Variants in TRPM3 observed in about 807,000 individuals in gnomAD.
TRPM3 encodes transient receptor potential cation channel subfamily M member 3.
In TRPM3, 77 loss-of-function variants were observed where a neutral mutation model predicts 181.2. The observed-to-expected ratio is 0.42, with a 90% CI of 0.35 to 0.51. The LOEUF (loss-of-function observed/expected upper bound fraction) is 0.51. TRPM3 is among the 20% of genes least tolerant of loss of function. The pLI, the probability that TRPM3 is intolerant of heterozygous loss-of-function variation, is 0.01. For missense variants in TRPM3, 1,759 were observed against 2,196.7 expected (o/e 0.80, Z 3.98); for synonymous variants, 745 against 796.4 (o/e 0.94, Z 1.09).
chr9:71,223,142 A>G (rs758768777), intron 1 of TRPM3, among the ~76,000 whole-genome samples: 3 of 152,170 alleles, frequency 2.0e-5, no homozygotes, highest in Admixed American at 6.5e-5. Flanking sequence ...AGCATAGCTC[A>G]TAGCTCCAAA....
chr9:71,286,219 A>G (rs2085268674), intron 1 of TRPM3, among the ~76,000 whole-genome samples: 1 of 152,222 alleles, frequency 6.6e-6, no homozygotes, highest in African/African-American at 2.4e-5. Context: ...GTAGTTTCCC[A>G]ATCAACTTGT....
chr9:71,027,283 G>T (rs559644565), intron 1 of TRPM3, among the ~76,000 whole-genome samples: 1 of 152,064 alleles, frequency 6.6e-6, no homozygotes, highest in African/African-American at 2.4e-5. Context: ...AACCCCCAAG[G>T]TCATGGACTA....
intron 1 of TRPM3, among the ~76,000 whole-genome samples, chr9:71,012,486 T>C (rs1225452779): frequency 3.3e-5 from 5 of 151,944 alleles, no homozygotes; most frequent in African/African-American, 1.2e-4. Flanking sequence ...TATTATCAGA[T>C]GTTTATTTTT....
chr9:71,396,949 G>A (rs1359759361), intron 1 of TRPM3, among the ~76,000 whole-genome samples: 1 of 147,828 alleles, frequency 6.8e-6, no homozygotes, highest in Non-Finnish European at 1.5e-5. Flanking sequence ...CTGGGCAACG[G>A]AGCAAGACTT....
chr9:71,095,064 G>A (rs1483840585), intron 1 of TRPM3, among the ~76,000 whole-genome samples: 6 of 152,118 alleles, frequency 3.9e-5, no homozygotes, highest in Admixed American at 2.0e-4. Context: ...CCCCACAGAT[G>A]ACTATCTACA....
chr9:70,842,881 AT>A, intron 5 of TRPM3, 121 bp downstream of exon 5: 1 of 933,890 alleles, frequency 1.1e-6, no homozygotes, highest in South Asian at 2.5e-5. Context: ...AACATGTTTC[AT>A]TTTAGTGAGT....
chr9:70,540,963 C>T (rs1228920412), intron 25 of TRPM3, among the ~76,000 whole-genome samples: 2 of 152,062 alleles, frequency 1.3e-5, no homozygotes, highest in South Asian at 2.1e-4. Flanking sequence ...CTCAAGTGAT[C>T]GATCACCCGC....
Position 70,538,972 on chromosome 9 carries a change from T to C in TRPM3, c.3708-1567A>G, listed in dbSNP as rs181123285. Among the ~76,000 whole-genome samples the C allele has an allele frequency of 1.1e-4, 16 of 152,368 alleles. No homozygotes were observed. In the East Asian group the frequency reaches 2.7e-3, roughly 26 times the overall value. ...ACAATTTGAGCTCAAACTTTCACTT[T>C]TAAATGTCCAAAGACAAACCTTTTG... On this transcript the variant is annotated intron_variant, in intron 25 of 25. Coordinates refer to ENST00000677713, the MANE Select transcript of TRPM3 (RefSeq NM_001366145.2).
At chr9:70,933,148 A>G (rs2096791858) in intron 1 of TRPM3, among the ~76,000 whole-genome samples, 1 of 152,182 alleles carries the variant, frequency 6.6e-6, no homozygotes, top group Non-Finnish European at 1.5e-5. Context: ...TCATGCATTC[A>G]GTCTGGGTTT....
intron 1 of TRPM3, among the ~76,000 whole-genome samples, chr9:71,026,727 C>T (rs901979781): frequency 1.3e-4 from 20 of 152,198 alleles, no homozygotes; most frequent in African/African-American, 4.6e-4. Context: ...GCAAAGAAAA[C>T]AGTGGACTCC....
intron 1 of TRPM3, among the ~76,000 whole-genome samples, chr9:71,297,260 A>C (rs1171146907): frequency 1.3e-5 from 2 of 152,090 alleles, no homozygotes; most frequent in African/African-American, 4.8e-5. Context: ...AGTGGTATTT[A>C]ATAGTATAAT....
intron 1 of TRPM3, among the ~76,000 whole-genome samples, chr9:71,111,796 TCA>T (rs1339439800): frequency 1.3e-5 from 2 of 152,216 alleles, no homozygotes; most frequent in Non-Finnish European, 2.9e-5. Flanking sequence ...AGCGAGATTA[TCA>T]CAGAGATTAT....
At chr9:71,232,713 C>T (rs2131915139) in intron 1 of TRPM3, among the ~76,000 whole-genome samples, 1 of 152,066 alleles carries the variant, frequency 6.6e-6, no homozygotes, top group Non-Finnish European at 1.5e-5. Context: ...GTTGGCCAGG[C>T]TGGTCTTGAA....
intron 1 of TRPM3, among the ~76,000 whole-genome samples, chr9:70,939,658 A>AT (rs2096866123): frequency 6.6e-6 from 1 of 152,232 alleles, no homozygotes; most frequent in African/African-American, 2.4e-5. Flanking sequence ...TTATTGAGAG[A>AT]TAGAACAGGA....
intron 1 of TRPM3, among the ~76,000 whole-genome samples, chr9:70,973,334 T>C (rs1590199820): frequency 6.6e-6 from 1 of 152,228 alleles, no homozygotes; most frequent in Non-Finnish European, 1.5e-5. Context: ...CACTTGTGAC[T>C]GCATTTAATT....
intron 1 of TRPM3, among the ~76,000 whole-genome samples, chr9:71,221,368 TATG>T (rs1209678137): frequency 6.6e-6 from 1 of 152,240 alleles, no homozygotes; most frequent in African/African-American, 2.4e-5. Flanking sequence ...TTATGAAATA[TATG>T]CATCACATAA....
At chr9:70,963,685 C>T (rs772393653) in intron 1 of TRPM3, among the ~76,000 whole-genome samples, 4 of 152,074 alleles carry the variant, frequency 2.6e-5, no homozygotes, top group Non-Finnish European at 4.4e-5. Flanking sequence ...TTCAAGTTCA[C>T]GCTGGAAACC....
intron 1 of TRPM3, among the ~76,000 whole-genome samples, chr9:71,182,989 G>C (rs1177043640): frequency 1.3e-5 from 2 of 151,892 alleles, no homozygotes; most frequent in African/African-American, 4.8e-5. Context: ...GCCCATCAGG[G>C]AATAAAATTA....
chr9:71,284,649 T>C (rs1322529359), intron 1 of TRPM3, among the ~76,000 whole-genome samples: 2 of 152,230 alleles, frequency 1.3e-5, no homozygotes, highest in African/African-American at 4.8e-5. Context: ...ATTAGTAGAA[T>C]TGACCATGCT....
Sources: allele counts gnomAD v4.1 joint callset (sites outside exome capture counted in the v4.1 genomes callset), GRCh38; gene constraint gnomAD v4.1.1; transcripts MANE v1.5; gene names NCBI Gene and HGNC (gene_info 2026-07-23, HGNC 2026-07-21).